Variants in MRPL21 observed in about 807,000 individuals in gnomAD.
The protein encoded by MRPL21 is mitochondrial ribosomal protein L21.
A neutral mutation model predicts 27.3 loss-of-function variants in MRPL21; 20 were observed. That is an observed-to-expected ratio of 0.73 (90% CI 0.52 to 1.06). MRPL21 has a LOEUF of 1.06. Among genes scored for constraint, MRPL21 ranks in the 50% least tolerant of loss-of-function variants. The pLI, the probability that MRPL21 is intolerant of heterozygous loss-of-function variation, is 0.00. For missense variants in MRPL21, 249 were observed against 251.4 expected (o/e 0.99, Z 0.06); for synonymous variants, 98 against 101.5 (o/e 0.97, Z 0.21).
Position 68,892,925 on chromosome 11 carries a change from C to T in MRPL21, c.518G>A (p.Arg173Lys), listed in dbSNP as rs199675137. The change falls in exon 6 of 7, where the codon AGA (arginine) becomes AAA (lysine). Residue 173 changes from arginine (R) to lysine (K), a missense_variant. Transcript: ENST00000362034. Reference sequence around the variant, plus strand: ...CTTGAAGTTTTTCCTTTTCCTGAATCTCATAATGATTCTTGGCCATGATTC... The same window carrying T: ...CTTGAAGTTTTTCCTTTTCCTGAATTTCATAATGATTCTTGGCCATGATTC... ...KTESWPRIIM[R>K]FRKRKNFKKK... 272 of 1,613,534 alleles carry T rather than the reference C, an allele frequency of 1.7e-4. No homozygotes were observed. Among genetic ancestry groups the T allele is most frequent in the Admixed American group, 3.3e-4 (20 of 59,942 alleles).
intron 4 of MRPL21, among the ~76,000 whole-genome samples, chr11:68,894,087 A>G (rs1857723325): frequency 6.6e-6 from 1 of 152,160 alleles, no homozygotes; most frequent in African/African-American, 2.4e-5. Context: ...CATAGAGAGA[A>G]AAAGCACAAA....
intron 6 of MRPL21, 128 bp from the exon 7 acceptor site, chr11:68,891,523 T>C: frequency 1.1e-6 from 1 of 878,712 alleles, no homozygotes; most frequent in Non-Finnish European, 1.9e-6. Context: ...CACATGGCCG[T>C]GTTTATCTCC....
chr11:68,901,035 G>A (rs1477654633), intron 1 of MRPL21, among the ~76,000 whole-genome samples: 1 of 152,216 alleles, frequency 6.6e-6, no homozygotes, highest in African/African-American at 2.4e-5. Flanking sequence ...CTTCTGGGAT[G>A]AGGTGATAAC....
At chr11:68,903,637 G>C (rs971757497) in intron 1 of MRPL21, 86 bp downstream of exon 1, 3 of 1,400,488 alleles carry the variant, frequency 2.1e-6, no homozygotes, top group Non-Finnish European at 3.0e-6. Flanking sequence ...CAAGGCACCA[G>C]GTCGGACCCA....
At chr11:68,897,335 G>T (rs897690231) in intron 3 of MRPL21, among the ~76,000 whole-genome samples, 1 of 152,198 alleles carries the variant, frequency 6.6e-6, no homozygotes, top group Non-Finnish European at 1.5e-5. Flanking sequence ...AGGGACGACA[G>T]AGTGCCTGCC....
chr11:68,898,941 C>A (rs1857870050), intron 2 of MRPL21, among the ~76,000 whole-genome samples: 1 of 152,356 alleles, frequency 6.6e-6, no homozygotes, highest in African/African-American at 2.4e-5. Context: ...GCACATGCCA[C>A]CACATCTGGC....
chr11:68,898,389 C>G (rs1857853873), intron 2 of MRPL21, among the ~76,000 whole-genome samples: 1 of 152,164 alleles, frequency 6.6e-6, no homozygotes, highest in African/African-American at 2.4e-5. Context: ...GACACAGGGC[C>G]AGCAGCTCTC....
At chr11:68,894,342 G>T (rs903386995) in intron 4 of MRPL21, among the ~76,000 whole-genome samples, 1 of 152,146 alleles carries the variant, frequency 6.6e-6, no homozygotes, top group Non-Finnish European at 1.5e-5. Flanking sequence ...GTGCAGTGGC[G>T]TGATCTTGGC....
chr11:68,900,522 C>T (rs1335948593), intron 2 of MRPL21, 26 bp downstream of exon 2: 2 of 1,604,994 alleles, frequency 1.2e-6, no homozygotes, highest in Non-Finnish European at 1.7e-6. Context: ...GGAAAAGAGG[C>T]ACCAAAACCC....
chr11:68,900,871 G>A (rs1033326500), intron 1 of MRPL21, among the ~76,000 whole-genome samples: 11 of 152,236 alleles, frequency 7.2e-5, no homozygotes, highest in African/African-American at 2.7e-4. Context: ...TTGACTAAGT[G>A]CCTGGTAGGT....
chr11:68,897,233 G>A (rs1027642293), intron 3 of MRPL21, among the ~76,000 whole-genome samples: 6 of 152,132 alleles, frequency 3.9e-5, no homozygotes. Context: ...CTCTGACCCA[G>A]GTCACAGTCC....
chr11:68,903,747 G>T lies in MRPL21; in HGVS notation c.64C>A (p.Leu22Met), dbSNP rs1858042924. Reference protein sequence around the residue: ...RLASACSHSILRPSGPGAASL... With the variant: ...RLASACSHSIMRPSGPGAASL... Reference sequence around the variant, plus strand: ...CCTGCTCCGGGCCCCGAAGGTCTCAGGATGCTGTGGCTGCACGCGGACGCC... The same window carrying T: ...CCTGCTCCGGGCCCCGAAGGTCTCATGATGCTGTGGCTGCACGCGGACGCC... Residue 22 changes from leucine (L) to methionine (M), a missense_variant, in exon 1 of 7, where the codon CTG (leucine) becomes ATG (methionine). By Grantham distance (15) the Leu-to-Met change is conservative. Coordinates refer to ENST00000362034, the MANE Select transcript of MRPL21 (RefSeq NM_181514.2). The T allele has an allele frequency of 1.9e-6, 3 of 1,613,296 alleles. No homozygotes were observed. Among genetic ancestry groups the T allele is most frequent in the Non-Finnish European group, 2.5e-6 (3 of 1,180,030 alleles).
chr11:68,894,674 TATATC>T (rs1244638842), intron 4 of MRPL21, among the ~76,000 whole-genome samples: 3 of 152,248 alleles, frequency 2.0e-5, no homozygotes, highest in Non-Finnish European at 4.4e-5. Flanking sequence ...AGAGACAAAG[TATATC>T]ATATAACAAA....
At chr11:68,900,063 T>C (rs1272689999) in intron 2 of MRPL21, among the ~76,000 whole-genome samples, 1 of 152,242 alleles carries the variant, frequency 6.6e-6, no homozygotes, top group Admixed American at 6.5e-5. Flanking sequence ...CTTTGTCGAA[T>C]GTTTTCTGCA....
At chr11:68,900,447 T>C (rs1347058443) in intron 2 of MRPL21, 101 bp downstream of exon 2, 1 of 1,095,306 alleles carries the variant, frequency 9.1e-7, no homozygotes, top group Non-Finnish European at 1.4e-6. Context: ...AGAGGAAATT[T>C]AAATATTATT....
chr11:68,891,740 C>T (rs1857651640), intron 6 of MRPL21: 5 of 531,946 alleles, frequency 9.4e-6, no homozygotes, highest in Non-Finnish European at 1.7e-5. Flanking sequence ...TCAGAAGGTA[C>T]ATGAGAGGCT....
In MRPL21 at chr11:68,896,505, G is replaced by A. The variant is rs1359672886; in HGVS notation, c.396+10C>T. The A allele has an allele frequency of 3.1e-6, 5 of 1,613,662 alleles. No individual in the cohort carries two copies. Among genetic ancestry groups the A allele is most frequent in the Non-Finnish European group, 4.2e-6 (5 of 1,179,560 alleles). On this transcript the variant is annotated intron_variant, in intron 4 of 6. Transcript: ENST00000362034. The stretch of plus-strand genomic sequence containing the variant: ...GTCCCTGAATATCCAGAGAAGCTCG[G>A]TGGTCTCACCTTCTCCAGTCGAATT...
chr11:68,900,908 G>A lies in MRPL21; in HGVS notation c.89-303C>T, dbSNP rs145661837. Among the ~76,000 whole-genome samples the A allele has an allele frequency of 6.3e-3, 953 of 152,354 alleles. 9 individuals carry two copies. Among genetic ancestry groups the A allele is most frequent in the African/African-American group, 0.022 (905 of 41,582 alleles). ...CAGACTCTGATCTGTGCCCAAGCGTGGGAGCAGCCTCCAAGATGGCCCTGC... is the reference window on the plus strand; with the variant it reads ...CAGACTCTGATCTGTGCCCAAGCGTAGGAGCAGCCTCCAAGATGGCCCTGC... On this transcript the variant is annotated intron_variant, in intron 1 of 6. Coordinates refer to ENST00000362034, the MANE Select transcript of MRPL21 (RefSeq NM_181514.2).
chr11:68,903,657 G>T (rs981288122), intron 1 of MRPL21, 66 bp downstream of exon 1: 4 of 1,543,552 alleles, frequency 2.6e-6, no homozygotes, highest in African/African-American at 1.4e-5. Context: ...AGGCACATAC[G>T]TGGCGAGACC....
Sources: gnomAD v4.1 joint callset for allele counts (sites outside exome capture counted in the v4.1 genomes callset) on GRCh38, gnomAD v4.1.1 for gene constraint, MANE v1.5 for transcripts, NCBI Gene and HGNC (gene_info 2026-07-23, HGNC 2026-07-21) for gene names.